Variants in GALNTL6 observed in about 807,000 individuals in gnomAD.
The protein encoded by GALNTL6 is polypeptide N-acetylgalactosaminyltransferase like 6, also known as polypeptide N-acetylgalactosaminyltransferase-like 6.
GALNTL6 carries 46 observed loss-of-function variants against 73.7 expected under a neutral mutation model. The ratio of observed to expected loss-of-function variants is 0.62; its 90% CI spans 0.49 to 0.80. The LOEUF (loss-of-function observed/expected upper bound fraction) is 0.80. Ranked by LOEUF, GALNTL6 falls within the 30% of genes least tolerant of loss-of-function variation. The pLI is 0.00. For missense variants in GALNTL6, 604 were observed against 755.0 expected (o/e 0.80, Z 2.34); for synonymous variants, 259 against 263.7 (o/e 0.98, Z 0.17).
intron 7 of GALNTL6, among the ~76,000 whole-genome samples, chr4:172,872,391 A>C (rs1373830836): frequency 1.3e-5 from 2 of 152,232 alleles, no homozygotes; most frequent in African/African-American, 4.8e-5. Context: ...AATTAGTAGA[A>C]GTTTATTCTA....
chr4:172,379,955 A>G (rs1743217969), intron 5 of GALNTL6: 1 of 725,818 alleles, frequency 1.4e-6, no homozygotes, highest in African/African-American at 1.8e-5. Flanking sequence ...GACCTTGTCC[A>G]TTAAATGTAA....
Position 172,211,690 on chromosome 4 carries a change from C to T in GALNTL6, c.139-17966C>T, listed in dbSNP as rs370682653. 2.7e-3 allele frequency among the ~76,000 whole-genome samples: 404 copies of T among 152,264 alleles called. 3 individuals carry two copies. The highest frequency in any genetic ancestry group is 9.2e-3 in the African/African-American group (381 of 41,546). ...TGCCTTACATTGGGTAATTTATGAA[C>T]AACAGAAATTTGTTTCTCATATTCT... On this transcript the variant is annotated intron_variant, in intron 2 of 12. Coordinates refer to ENST00000506823, the MANE Select transcript of GALNTL6 (RefSeq NM_001034845.3).
chr4:172,947,616 C>T (rs1309113773), intron 9 of GALNTL6, among the ~76,000 whole-genome samples: 3 of 151,798 alleles, frequency 2.0e-5, no homozygotes, highest in Non-Finnish European at 2.9e-5. Context: ...AGCAGGTCCA[C>T]CAATGTCCAT....
chr4:172,123,500 A>ATTTTT (rs67067629), intron 2 of GALNTL6, among the ~76,000 whole-genome samples: 1,997 of 115,344 alleles, frequency 0.017, 64 homozygotes, highest in Non-Finnish European at 0.02. Context: ...AAAAGTCATA[A>ATTTTT]TTTTTTTTTT....
intron 4 of GALNTL6, among the ~76,000 whole-genome samples, chr4:172,331,240 A>C (rs1741113569): frequency 1.3e-5 from 2 of 150,954 alleles, no homozygotes; most frequent in South Asian, 4.2e-4. Flanking sequence ...CACATATTAC[A>C]AAATGTTCAA....
intron 9 of GALNTL6, among the ~76,000 whole-genome samples, chr4:172,947,711 C>A (rs967013180): frequency 2.0e-5 from 3 of 151,988 alleles, no homozygotes; most frequent in Admixed American, 2.0e-4. Context: ...TGGAATGTTT[C>A]CATTTCATGA....
chr4:172,881,670 G>A (rs1399673969), intron 7 of GALNTL6, among the ~76,000 whole-genome samples: 2 of 152,140 alleles, frequency 1.3e-5, no homozygotes, highest in African/African-American at 4.8e-5. Context: ...CATTTGAAAT[G>A]TTGTACTGTT....
At chr4:172,656,146 G>A (rs1337852125) in intron 5 of GALNTL6, among the ~76,000 whole-genome samples, 1 of 152,136 alleles carries the variant, frequency 6.6e-6, no homozygotes, top group African/African-American at 2.4e-5. Flanking sequence ...ACGTGGCAAG[G>A]AGACAGGAGG....
chr4:171,934,942 A>G (rs1472799219), intron 2 of GALNTL6, among the ~76,000 whole-genome samples: 3 of 152,044 alleles, frequency 2.0e-5, no homozygotes, highest in Non-Finnish European at 4.4e-5. Context: ...TTTCTCCCCA[A>G]GAATGTCATA....
intron 5 of GALNTL6, among the ~76,000 whole-genome samples, chr4:172,430,805 AACC>A (rs550750145): frequency 6.6e-6 from 1 of 152,024 alleles, no homozygotes; most frequent in Non-Finnish European, 1.5e-5. Context: ...CCTATCTCTA[AACC>A]ACCACCACCA....
chr4:172,361,461 A>G (rs1032360679), intron 5 of GALNTL6, among the ~76,000 whole-genome samples: 2 of 152,128 alleles, frequency 1.3e-5, no homozygotes, highest in Non-Finnish European at 2.9e-5. Flanking sequence ...ACAAAACAAA[A>G]CAACAACAAC....
chr4:172,172,350 A>G (rs1734857225), intron 2 of GALNTL6, among the ~76,000 whole-genome samples: 1 of 152,182 alleles, frequency 6.6e-6, no homozygotes, highest in Middle Eastern at 3.4e-3. Flanking sequence ...GGCACTCGCC[A>G]CCATGCCCGG....
intron 5 of GALNTL6, among the ~76,000 whole-genome samples, chr4:172,689,227 A>G (rs968339480): frequency 1.3e-5 from 2 of 152,208 alleles, no homozygotes; most frequent in Non-Finnish European, 2.9e-5. Flanking sequence ...CATTGGTAAT[A>G]GAGTTATTAT....
chr4:172,091,652 A>G (rs1474413510), intron 2 of GALNTL6, among the ~76,000 whole-genome samples: 1 of 152,196 alleles, frequency 6.6e-6, no homozygotes, highest in African/African-American at 2.4e-5. Flanking sequence ...GTCCTCTTAT[A>G]ATAATATAAA....
intron 2 of GALNTL6, among the ~76,000 whole-genome samples, chr4:171,819,295 G>C (rs1734622039): frequency 6.6e-6 from 1 of 152,092 alleles, no homozygotes; most frequent in Admixed American, 6.6e-5. Flanking sequence ...ACTGTAACAA[G>C]TATCTTAATT....
intron 2 of GALNTL6, among the ~76,000 whole-genome samples, chr4:172,136,794 T>A (rs1276649440): frequency 6.6e-6 from 1 of 151,970 alleles, no homozygotes; most frequent in Non-Finnish European, 1.5e-5. Flanking sequence ...TCATGCTAGT[T>A]TTAGTCATTT....
At chr4:172,722,386 A>G (rs1379952350) in intron 5 of GALNTL6, among the ~76,000 whole-genome samples, 2 of 152,234 alleles carry the variant, frequency 1.3e-5, no homozygotes, top group Non-Finnish European at 2.9e-5. Context: ...TTTATAAAGC[A>G]TTGATAAAGT....
intron 5 of GALNTL6, among the ~76,000 whole-genome samples, chr4:172,622,328 A>T (rs1271356842): frequency 6.6e-6 from 1 of 152,210 alleles, no homozygotes; most frequent in East Asian, 1.9e-4. Context: ...GGATAAAAGT[A>T]GACCCACTCC....
chr4:172,945,577 C>CA (rs1292335996), intron 9 of GALNTL6, among the ~76,000 whole-genome samples: 1 of 152,054 alleles, frequency 6.6e-6, no homozygotes, highest in Non-Finnish European at 1.5e-5. Context: ...TCATAAACAC[C>CA]ACCATAGATA....
Sources: gnomAD v4.1 joint callset for allele counts (sites outside exome capture counted in the v4.1 genomes callset) on GRCh38, gnomAD v4.1.1 for gene constraint, MANE v1.5 for transcripts, NCBI Gene and HGNC (gene_info 2026-07-23, HGNC 2026-07-21) for gene names.